EXOC6B: variants seen among roughly 807,000 people sequenced by gnomAD.
EXOC6B encodes SEC15 homolog B.
EXOC6B carries 54 observed loss-of-function variants against 113.5 expected under a neutral mutation model. The ratio of observed to expected loss-of-function variants is 0.48; its 90% CI spans 0.38 to 0.60. The LOEUF is 0.60. Among genes scored for constraint, EXOC6B ranks in the 20% least tolerant of loss-of-function variants. EXOC6B has a pLI of 0.00. For missense variants in EXOC6B, 797 were observed against 977.5 expected, an observed-to-expected ratio of 0.82 and a Z score of 2.46; for synonymous variants, 357 against 339.0, an observed-to-expected ratio of 1.05 and a Z score of -0.58.
At chr2:72,797,009 G>A (rs778739896) in intron 1 of EXOC6B, among the ~76,000 whole-genome samples, 1 of 152,228 alleles carries the variant, frequency 6.6e-6, no homozygotes, top group African/African-American at 2.4e-5. Context: ...TCTCAGAAGG[G>A]GAGGCACAGA....
chr2:72,705,292 ACT>A (rs1268354268), intron 6 of EXOC6B, among the ~76,000 whole-genome samples: 1 of 152,002 alleles, frequency 6.6e-6, no homozygotes, highest in East Asian at 1.9e-4. Context: ...CATGCTAAAA[ACT>A]CTCAATAAAT....
At chr2:72,365,000 T>C (rs1403470260) in intron 19 of EXOC6B, among the ~76,000 whole-genome samples, 1 of 152,188 alleles carries the variant, frequency 6.6e-6, no homozygotes, top group Non-Finnish European at 1.5e-5. Flanking sequence ...CATTATGTTT[T>C]CAATCTCCTA....
intron 20 of EXOC6B, among the ~76,000 whole-genome samples, chr2:72,310,850 AACACACACACAC>A (rs375159478): frequency 2.4e-4 from 29 of 120,352 alleles, no homozygotes; most frequent in African/African-American, 8.8e-4. Flanking sequence ...TATTTCATTT[AACACACACACAC>A]ACACACACAC....
At chr2:72,251,483 AG>A in intron 20 of EXOC6B, among the ~76,000 whole-genome samples, 1 of 152,166 alleles carries the variant, frequency 6.6e-6, no homozygotes, top group Non-Finnish European at 1.5e-5. Flanking sequence ...GTGAAACTAA[AG>A]GTATTCATTT....
At chr2:72,179,570 T>G (rs1277597800) in intron 21 of EXOC6B, 109 bp from the exon 22 acceptor site, 2 of 1,280,720 alleles carry the variant, frequency 1.6e-6, no homozygotes, top group Non-Finnish European at 2.2e-6. Context: ...CCCAGAGTAA[T>G]GAGAGAGTCC....
intron 20 of EXOC6B, among the ~76,000 whole-genome samples, chr2:72,205,021 C>T (rs1572994899): frequency 6.6e-6 from 1 of 152,146 alleles, no homozygotes; most frequent in African/African-American, 2.4e-5. Context: ...TGCAAGTCTA[C>T]AGATGAAACA....
chr2:72,414,278 C>T (rs1694378459), intron 18 of EXOC6B, among the ~76,000 whole-genome samples: 1 of 152,110 alleles, frequency 6.6e-6, no homozygotes, highest in African/African-American at 2.4e-5. Context: ...AATAATTTTT[C>T]TAAAGTCCCA....
chr2:72,683,397 T>C (rs1676853918), intron 6 of EXOC6B, among the ~76,000 whole-genome samples: 2 of 152,168 alleles, frequency 1.3e-5, no homozygotes, highest in African/African-American at 4.8e-5. Flanking sequence ...ATTTGGTAGA[T>C]CTATACTTAT....
intron 20 of EXOC6B, among the ~76,000 whole-genome samples, chr2:72,330,390 T>C (rs1396771324): frequency 6.6e-6 from 1 of 151,892 alleles, no homozygotes; most frequent in Non-Finnish European, 1.5e-5. Context: ...CAAAAAATAA[T>C]ATGAGAAATT....
rs528142892 is a variant in EXOC6B at position 72,642,456 on chromosome 2, G to A, written c.670-66788C>T. Among the ~76,000 whole-genome samples, 119 of 145,572 alleles carry A rather than the reference G, an allele frequency of 8.2e-4. 1 individual carries two copies. Among genetic ancestry groups the A allele is most frequent in the Middle Eastern group, 3.5e-3 (1 of 286 alleles). ...ACAGAACAGAGCCCTCAGAAATAAC[G>A]CCACATATCTACAACTATCTGATCT... On this transcript the variant is annotated intron_variant, in intron 6 of 21. Transcript: ENST00000272427.
chr2:72,348,676 C>A (rs1689474277), intron 19 of EXOC6B, among the ~76,000 whole-genome samples: 1 of 152,120 alleles, frequency 6.6e-6, no homozygotes, highest in Admixed American at 6.6e-5. Flanking sequence ...TTTCCCCAGC[C>A]AATGATGACA....
intron 20 of EXOC6B, among the ~76,000 whole-genome samples, chr2:72,325,483 T>C (rs556572877): frequency 6.6e-6 from 1 of 151,932 alleles, no homozygotes; most frequent in Non-Finnish European, 1.5e-5. Flanking sequence ...CTTTCTTTCA[T>C]TCAAGCCTGG....
intron 6 of EXOC6B, among the ~76,000 whole-genome samples, chr2:72,652,369 C>T (rs1319291351): frequency 4.6e-5 from 7 of 152,014 alleles, no homozygotes; most frequent in Non-Finnish European, 8.8e-5. Flanking sequence ...AAGATAATTG[C>T]TTCAGTATTA....
chr2:72,639,412 T>G lies in EXOC6B; in HGVS notation c.670-63744A>C, dbSNP rs553399295. Among the ~76,000 whole-genome samples, 4 of 152,256 alleles carry G rather than the reference T, an allele frequency of 2.6e-5. No homozygotes were observed. The South Asian group carries it at 8.3e-4, about 32-fold the overall frequency. On this transcript the variant is annotated intron_variant, in intron 6 of 21. Transcript: ENST00000272427. ...CACCTCCGGCATGACTGCACAAAGTTGCCATCAAGGGCCCCGTACACCCCC... is the reference window on the plus strand; with the variant it reads ...CACCTCCGGCATGACTGCACAAAGTGGCCATCAAGGGCCCCGTACACCCCC...
intron 20 of EXOC6B, among the ~76,000 whole-genome samples, chr2:72,202,523 T>C (rs756360389): frequency 6.6e-6 from 1 of 152,218 alleles, no homozygotes; most frequent in Admixed American, 6.5e-5. Context: ...TTTATCCACA[T>C]GGCTTGTTCT....
At chr2:72,809,286 AC>A (rs1685748336) in intron 1 of EXOC6B, among the ~76,000 whole-genome samples, 1 of 152,248 alleles carries the variant, frequency 6.6e-6, no homozygotes, top group Non-Finnish European at 1.5e-5. Context: ...ATAGAGATCA[AC>A]AAAGTGGATT....
At chr2:72,419,209 A>G (rs1010345324) in intron 18 of EXOC6B, among the ~76,000 whole-genome samples, 2 of 152,230 alleles carry the variant, frequency 1.3e-5, no homozygotes, top group Non-Finnish European at 2.9e-5. Flanking sequence ...AGTCTCATAA[A>G]TTATGTAGAA....
chr2:72,401,494 C>A (rs577273127), intron 18 of EXOC6B, among the ~76,000 whole-genome samples: 1 of 59,644 alleles, frequency 1.7e-5, no homozygotes, highest in East Asian at 4.2e-4. Flanking sequence ...ATTTTATATA[C>A]ATATATATAT....
At chr2:72,522,998 T>G (rs909352643) in intron 8 of EXOC6B, among the ~76,000 whole-genome samples, 5 of 152,134 alleles carry the variant, frequency 3.3e-5, no homozygotes, top group African/African-American at 1.2e-4. Flanking sequence ...GAATGAATGC[T>G]TAAAAATAAA....
Sources: allele counts gnomAD v4.1 joint callset (sites outside exome capture counted in the v4.1 genomes callset), GRCh38; gene constraint gnomAD v4.1.1; transcripts MANE v1.5; gene names NCBI Gene and HGNC (gene_info 2026-07-23, HGNC 2026-07-21).